Variants in EVC observed in about 807,000 individuals in gnomAD.
EVC encodes the protein evC complex member EVC.
EVC carries 116 observed loss-of-function variants against 118.9 expected under a neutral mutation model. That is an observed-to-expected ratio of 0.98 (90% CI 0.84 to 1.14). The LOEUF is 1.14. Ranked by LOEUF, EVC falls within the 50% of genes most tolerant of loss-of-function variation. The pLI, the probability that EVC is intolerant of heterozygous loss-of-function variation, is 0.00. For missense variants in EVC, 1,401 were observed against 1,246.4 expected (o/e 1.12, Z -1.87); for synonymous variants, 619 against 534.7 (o/e 1.16, Z -2.18).
At chr4:5,740,761 G>A (rs1560313303) in intron 5 of EVC, among the ~76,000 whole-genome samples, 1 of 152,166 alleles carries the variant, frequency 6.6e-6, no homozygotes, top group Admixed American at 6.6e-5. Flanking sequence ...AAGCAATCCA[G>A]TTAGAAAATG....
At chr4:5,716,214 T>C (rs973691996) in intron 1 of EVC, among the ~76,000 whole-genome samples, 11 of 152,222 alleles carry the variant, frequency 7.2e-5, no homozygotes, top group Non-Finnish European at 1.5e-5. Flanking sequence ...CCCTGATGAC[T>C]TCCAGGTGAG....
rs529818833 is a variant in EVC, at chr4:5,741,743, CTCCTTGACCTTCTTCCTAAAAAGAAGT to C, written c.731_757del (p.Leu244_Ser253delinsPro). ...GTTTATTCAGATTTTTAAAATGTGC[CTCCTTGACCTTCTTCCTAAAAAGAAGT>C]CAGATGATGAACTATACCAGAAGAT... On this transcript the variant is annotated inframe_deletion, in exon 6 of 21. Transcript: ENST00000264956. 154 of 1,572,926 alleles carry C rather than the reference CTCCTTGACCTTCTTCCTAAAAAGAAGT, an allele frequency of 9.8e-5. No homozygotes were observed. The South Asian group carries it at 1.7e-3, about 17-fold the overall frequency.
chr4:5,821,748 G>A, the EVC span: 18 of 1,601,252 alleles, frequency 1.1e-5, no homozygotes, highest in African/African-American at 9.4e-5. This position sits in a 1 kb window ranked among gnomAD's most constrained non-coding sequence, Gnocchi z 4.4. Context: ...TAGCTCCTCC[G>A]CGCATCCACG....
In EVC at chr4:5,742,475, A is replaced by T. The variant is rs745729155; in HGVS notation, c.801+661A>T. ...ATTTTGTATCACCATCACCACCACTATTACTATCACAGTTCTCTTCTTCAT... is the reference window on the plus strand; with the variant it reads ...ATTTTGTATCACCATCACCACCACTTTTACTATCACAGTTCTCTTCTTCAT... On this transcript the variant is annotated intron_variant, in intron 6 of 20. Coordinates refer to ENST00000264956, the MANE Select transcript of EVC (RefSeq NM_153717.3). The surrounding 1 kb of genome is among the most constrained non-coding windows in gnomAD (Gnocchi z 5.2). Among the ~76,000 whole-genome samples the T allele has an allele frequency of 6.6e-6, 1 of 152,020 alleles. No individual in the cohort carries two copies. Among genetic ancestry groups the T allele is most frequent in the African/African-American group, 2.4e-5 (1 of 41,394 alleles).
At position 5,753,917 on chromosome 4, in the gene EVC, C is replaced by G. The variant is rs376440801; in HGVS notation, c.1448C>G (p.Pro483Arg). ...GCTGAGGCCCAGCCGACTGCTGACCCGGAAAAGTTTCTCGAGGTGACTCAC... is the reference window on the plus strand; with the variant it reads ...GCTGAGGCCCAGCCGACTGCTGACCGGGAAAAGTTTCTCGAGGTGACTCAC... The part of the protein sequence containing the change: ...FLAEAQPTAD[P>R]EKFLEAFHEV... The change falls in exon 10 of 21, where the codon CCG becomes CGG. Residue 483 changes from proline to arginine, a missense_variant. Transcript: ENST00000264956. The G allele has an allele frequency of 6.2e-7, 1 of 1,613,376 alleles. No homozygotes were observed. Among genetic ancestry groups the G allele is most frequent in the Non-Finnish European group, 8.5e-7 (1 of 1,180,026 alleles).
At chr4:5,780,233 A>G (rs1055417078) in intron 11 of EVC, among the ~76,000 whole-genome samples, 2 of 152,228 alleles carry the variant, frequency 1.3e-5, no homozygotes, top group African/African-American at 4.8e-5. Flanking sequence ...ATCCACCATG[A>G]TTTGAATGAA....
chr4:5,725,811 T>C (rs1338601610), intron 2 of EVC, among the ~76,000 whole-genome samples: 1 of 152,236 alleles, frequency 6.6e-6, no homozygotes, highest in South Asian at 2.1e-4. Context: ...CTGAATGGTA[T>C]TGCCTAGATT....
At chr4:5,796,291 T>A (rs71599830) in intron 13 of EVC, among the ~76,000 whole-genome samples, 2 of 152,202 alleles carry the variant, frequency 1.3e-5, no homozygotes, top group Non-Finnish European at 2.9e-5. Context: ...GTTTCTATTG[T>A]CTGTTTTTCT....
At chr4:5,790,765 C>A (rs1712620153) in intron 12 of EVC, among the ~76,000 whole-genome samples, 1 of 152,066 alleles carries the variant, frequency 6.6e-6, no homozygotes, top group Non-Finnish European at 1.5e-5. Context: ...TGAAACAAAA[C>A]AAGACACTGA....
At chr4:5,786,685 A>G (rs1711676296) in intron 12 of EVC, among the ~76,000 whole-genome samples, 1 of 152,190 alleles carries the variant, frequency 6.6e-6, no homozygotes, top group African/African-American at 2.4e-5. Flanking sequence ...CATCCTGGCT[A>G]ACATGGTGAA....
intron 2 of EVC, among the ~76,000 whole-genome samples, chr4:5,722,771 A>G (rs918332944): frequency 1.3e-5 from 2 of 152,168 alleles, no homozygotes; most frequent in African/African-American, 4.8e-5. Context: ...TTATACTTTA[A>G]CCAATTTTCT....
chr4:5,771,521 G>C (rs888846671), intron 11 of EVC, among the ~76,000 whole-genome samples: 14 of 152,188 alleles, frequency 9.2e-5, no homozygotes, highest in African/African-American at 3.4e-4. Flanking sequence ...GTGCTCAAAG[G>C]TTCCAGGGAT....
At chr4:5,752,028 G>A (rs1320063276) in intron 8 of EVC, among the ~76,000 whole-genome samples, 2 of 152,208 alleles carry the variant, frequency 1.3e-5, no homozygotes, top group African/African-American at 4.8e-5. Context: ...CCGCTGTTCT[G>A]TGAGGTGGGG....
intron 13 of EVC, among the ~76,000 whole-genome samples, chr4:5,796,394 A>G (rs969707533): frequency 1.3e-5 from 2 of 152,178 alleles, no homozygotes; most frequent in Non-Finnish European, 2.9e-5. Flanking sequence ...TTCAAATGAT[A>G]TGATCTTCTT....
intron 11 of EVC, among the ~76,000 whole-genome samples, chr4:5,773,606 G>A (rs1206718328): frequency 6.6e-6 from 1 of 152,116 alleles, no homozygotes; most frequent in Non-Finnish European, 1.5e-5. Context: ...GAGAGACTGG[G>A]AGGCGGTGCG....
rs189217073 is a variant in EVC at position 5,798,142 on chromosome 4, C to T, written c.2098-444C>T. Reference sequence around the variant, plus strand: ...TCTCTCTTATTTCTACAAATAAAGGCAGTCCTCAGAGCCCTGTGTGCCCTG... The same window carrying T: ...TCTCTCTTATTTCTACAAATAAAGGTAGTCCTCAGAGCCCTGTGTGCCCTG... On this transcript the variant is annotated intron_variant, in intron 14 of 20. Coordinates refer to ENST00000264956, the MANE Select transcript of EVC (RefSeq NM_153717.3). The surrounding 1 kb of genome is among the most constrained non-coding windows in gnomAD (Gnocchi z 4.1). 3.5e-4 allele frequency among the ~76,000 whole-genome samples: 54 copies of T among 152,312 alleles called. No homozygotes were observed. Among genetic ancestry groups the T allele is most frequent in the African/African-American group, 1.2e-3 (48 of 41,568 alleles).
intron 9 of EVC, 29 bp from the exon 10 acceptor site, chr4:5,753,756 T>A: frequency 3.7e-6 from 6 of 1,614,088 alleles, no homozygotes; most frequent in Non-Finnish European, 4.2e-6. Context: ...CAGAGTCACC[T>A]CCTATGCTGT....
intron 11 of EVC, among the ~76,000 whole-genome samples, chr4:5,767,600 T>G (rs1733134737): frequency 6.6e-6 from 1 of 151,472 alleles, no homozygotes; most frequent in Admixed American, 6.6e-5. Context: ...TATAATCTCC[T>G]GGTGAGCCGT....
At chr4:5,820,874 T>C in the EVC span, 1 of 151,986 alleles carries the variant, frequency 6.6e-6, no homozygotes, top group African/African-American at 2.4e-5. Context: ...AAAATGGGAG[T>C]GATTACAAAG....
Sources: allele counts gnomAD v4.1 joint callset (sites outside exome capture counted in the v4.1 genomes callset), GRCh38; gene constraint gnomAD v4.1.1; non-coding constraint Gnocchi (gnomAD v3.1); transcripts MANE v1.5; gene names NCBI Gene and HGNC (gene_info 2026-07-23, HGNC 2026-07-21).